The following ELOVL5 variants were observed in gnomAD, a reference collection of about 807,000 sequenced individuals.
The protein encoded by ELOVL5 is very long chain fatty acid elongase 5.
ELOVL5 carries 8 observed loss-of-function variants against 38.6 expected under a neutral mutation model. That is an observed-to-expected ratio of 0.21 (90% CI 0.12 to 0.37). ELOVL5 has a LOEUF of 0.37. Among genes scored for constraint, ELOVL5 ranks in the 10% least tolerant of loss-of-function variants. The pLI, the probability that ELOVL5 is intolerant of heterozygous loss-of-function variation, is 1.00. For missense variants in ELOVL5, 280 were observed against 367.8 expected, an observed-to-expected ratio of 0.76 and a Z score of 1.95; for synonymous variants, 127 against 133.7, an observed-to-expected ratio of 0.95 and a Z score of 0.34.
chr6:53,289,192 T>C (rs1292690406), intron 3 of ELOVL5, among the ~76,000 whole-genome samples: 2 of 152,246 alleles, frequency 1.3e-5, no homozygotes, highest in Non-Finnish European at 2.9e-5. Flanking sequence ...AGACTACTTA[T>C]TTAAAAAATT....
chr6:53,312,611 T>C (rs1249402756), intron 1 of ELOVL5, among the ~76,000 whole-genome samples: 2 of 152,200 alleles, frequency 1.3e-5, no homozygotes, highest in Non-Finnish European at 2.9e-5. Context: ...AGTATGCTGG[T>C]TGTGATATTG....
At chr6:53,281,568 C>T (rs1345051292) in intron 3 of ELOVL5, among the ~76,000 whole-genome samples, 1 of 152,232 alleles carries the variant, frequency 6.6e-6, no homozygotes, top group Non-Finnish European at 1.5e-5. Flanking sequence ...TAGGGATACT[C>T]TGTCCATGAA....
intron 3 of ELOVL5, among the ~76,000 whole-genome samples, chr6:53,285,909 A>AT (rs1430731840): frequency 6.6e-5 from 10 of 152,210 alleles, no homozygotes; most frequent in African/African-American, 2.4e-4. Context: ...CCTGGCCAGC[A>AT]TTTTTAAATT....
chr6:53,309,954 C>T (rs1410378114), intron 1 of ELOVL5, among the ~76,000 whole-genome samples: 2 of 152,198 alleles, frequency 1.3e-5, no homozygotes, highest in Non-Finnish European at 2.9e-5. Flanking sequence ...ACGTGTGTGA[C>T]AGTAAATGTT....
intron 1 of ELOVL5, among the ~76,000 whole-genome samples, chr6:53,323,026 A>C (rs1440378433): frequency 6.6e-6 from 1 of 152,226 alleles, no homozygotes; most frequent in African/African-American, 2.4e-5. Context: ...CTTCACATGC[A>C]CTATTTAATT....
intron 3 of ELOVL5, among the ~76,000 whole-genome samples, chr6:53,280,742 G>A (rs1288180815): frequency 1.3e-5 from 2 of 152,114 alleles, no homozygotes; most frequent in Non-Finnish European, 2.9e-5. Context: ...ACAGGTGCAC[G>A]CTGTCATGCC....
At chr6:53,340,022 T>C in intron 1 of ELOVL5, among the ~76,000 whole-genome samples, 1 of 152,120 alleles carries the variant, frequency 6.6e-6, no homozygotes, top group East Asian at 1.9e-4. Flanking sequence ...ATGTGTATGT[T>C]TGTTTTAGTT....
intron 3 of ELOVL5, 102 bp downstream of exon 3, chr6:53,291,674 C>G: frequency 2.2e-6 from 2 of 910,882 alleles, no homozygotes; most frequent in Non-Finnish European, 3.2e-6. Flanking sequence ...CCAGTTGTCT[C>G]TACACCCCAA....
chr6:53,278,404 G>A, intron 3 of ELOVL5, among the ~76,000 whole-genome samples: 1 of 152,254 alleles, frequency 6.6e-6, no homozygotes, highest in Non-Finnish European at 1.5e-5. Flanking sequence ...GATGAGAACG[G>A]GTTGAAGGGG....
At chr6:53,296,964 T>C (rs1314700601) in intron 1 of ELOVL5, among the ~76,000 whole-genome samples, 1 of 152,212 alleles carries the variant, frequency 6.6e-6, no homozygotes. Flanking sequence ...CACGAAATCA[T>C]CTAATGGTTG....
chr6:53,316,309 G>A (rs1384335770), intron 1 of ELOVL5, among the ~76,000 whole-genome samples: 3 of 152,146 alleles, frequency 2.0e-5, no homozygotes, highest in Non-Finnish European at 4.4e-5. Context: ...TATGTGCCAT[G>A]ACAAGGTATG....
intron 1 of ELOVL5, among the ~76,000 whole-genome samples, chr6:53,328,527 T>C (rs1417168670): frequency 6.6e-6 from 1 of 152,134 alleles, no homozygotes; most frequent in Non-Finnish European, 1.5e-5. Flanking sequence ...TTGTAACACA[T>C]AGAATTAAAG....
chr6:53,342,078 T>G (rs1488154790), intron 1 of ELOVL5, among the ~76,000 whole-genome samples: 1 of 151,824 alleles, frequency 6.6e-6, no homozygotes, highest in Non-Finnish European at 1.5e-5. Context: ...TTCTTTTAAA[T>G]GCACCTCAGA....
chr6:53,309,481 C>T (rs1767734864), intron 1 of ELOVL5, among the ~76,000 whole-genome samples: 1 of 152,180 alleles, frequency 6.6e-6, no homozygotes. Flanking sequence ...ATTACCTAGA[C>T]TACAGGACCT....
At position 53,269,094 on chromosome 6, in the gene ELOVL5, T is replaced by C. The variant is rs373505112; in HGVS notation, c.*33A>G. The C allele has an allele frequency of 1.7e-5, 28 of 1,608,468 alleles. 1 individual carries two copies. Among genetic ancestry groups the C allele is most frequent in the South Asian group, 1.5e-4 (14 of 90,344 alleles). Reference sequence around the variant, plus strand: ...AACTCATATTGTGCTTACAATCAGATGACGTGGTTTGGAGGGTTTCAATTC... The same window carrying C: ...AACTCATATTGTGCTTACAATCAGACGACGTGGTTTGGAGGGTTTCAATTC... On this transcript the variant is annotated 3_prime_UTR_variant, in exon 8 of 8. Coordinates refer to ENST00000304434, the MANE Select transcript of ELOVL5 (RefSeq NM_021814.5).
chr6:53,322,206 C>T (rs893821969), intron 1 of ELOVL5, among the ~76,000 whole-genome samples: 2 of 152,146 alleles, frequency 1.3e-5, no homozygotes, highest in Non-Finnish European at 2.9e-5. Flanking sequence ...TTTACAGGAA[C>T]CCCGTAAACA....
intron 1 of ELOVL5, among the ~76,000 whole-genome samples, chr6:53,315,570 T>C (rs1767996685): frequency 6.6e-6 from 1 of 152,262 alleles, no homozygotes; most frequent in African/African-American, 2.4e-5. Context: ...GGTTGTACTA[T>C]TGTAAATTAG....
At chr6:53,329,854 T>C (rs924977419) in intron 1 of ELOVL5, among the ~76,000 whole-genome samples, 3 of 152,036 alleles carry the variant, frequency 2.0e-5, no homozygotes, top group Non-Finnish European at 2.9e-5. Context: ...AAAGAGAGAA[T>C]AGTGTGTCTT....
intron 2 of ELOVL5, among the ~76,000 whole-genome samples, chr6:53,294,688 G>A (rs1766923492): frequency 1.3e-5 from 2 of 152,090 alleles, no homozygotes; most frequent in Non-Finnish European, 2.9e-5. Flanking sequence ...CATACAGATG[G>A]ATCTAACTTA....
Sources: allele counts gnomAD v4.1 joint callset (sites outside exome capture counted in the v4.1 genomes callset), GRCh38; gene constraint gnomAD v4.1.1; transcripts MANE v1.5; gene names NCBI Gene and HGNC (gene_info 2026-07-23, HGNC 2026-07-21).